Variants in BATF3 observed in about 807,000 individuals in gnomAD.
BATF3 encodes basic leucine zipper transcriptional factor ATF-like 3.
BATF3 carries 8 observed loss-of-function variants against 16.1 expected under a neutral mutation model. That is an observed-to-expected ratio of 0.50 (90% CI 0.29 to 0.90). BATF3 has a LOEUF of 0.90. BATF3 is among the 40% of genes least tolerant of loss of function. The pLI is 0.08. For synonymous variants in BATF3, 74 were observed against 72.7 expected (o/e 1.02, Z -0.09); for missense variants, 139 against 167.0 (o/e 0.83, Z 0.92).
chr1:212,699,531 T>C lies in BATF3; in HGVS notation c.90+142A>G. 1.8e-6 allele frequency: 1 copy of C among 541,854 alleles called. No homozygotes were observed. Among genetic ancestry groups the C allele is most frequent in the Non-Finnish European group, 2.8e-6 (1 of 363,080 alleles). 33.6% of individuals were successfully genotyped at this position (541,854 alleles called of 1,614,324 possible). ...CCATTCCCCAACATCCCTACGCCCCTACCTCTGCTTGTCTCCGGCCGCACC... is the reference window on the plus strand; with the variant it reads ...CCATTCCCCAACATCCCTACGCCCCCACCTCTGCTTGTCTCCGGCCGCACC... On this transcript the variant is annotated intron_variant, in intron 1 of 2. Coordinates refer to ENST00000243440, the MANE Select transcript of BATF3 (RefSeq NM_018664.3). The surrounding 1 kb of genome is among the most constrained non-coding windows in gnomAD (Gnocchi z 4.4).
Position 212,688,570 on chromosome 1 carries a change from T to C in BATF3, c.196-1591A>G, listed in dbSNP as rs1006911088. Among the ~76,000 whole-genome samples, 15 of 152,320 alleles carry C rather than the reference T, an allele frequency of 9.8e-5. 1 individual carries two copies. The highest frequency in any genetic ancestry group is 2.1e-4 in the South Asian group (1 of 4,828). ...TTGGACATCTTCCAGACCAGCAAAA[T>C]TGCAAAATCTTTTGGAATCTCAATT... is the stretch of plus-strand genomic sequence containing the variant. On this transcript the variant is annotated intron_variant, in intron 2 of 2. Coordinates refer to ENST00000243440, the MANE Select transcript of BATF3 (RefSeq NM_018664.3).
At chr1:212,695,761 G>GCTTT (rs1657112897) in intron 2 of BATF3, among the ~76,000 whole-genome samples, 1 of 152,162 alleles carries the variant, frequency 6.6e-6, no homozygotes, top group African/African-American at 2.4e-5. Flanking sequence ...ATCCTTGGAT[G>GCTTT]CTTTCAAGGC....
rs1462844463 is a variant in BATF3 at position 212,689,893 on chromosome 1, A to C, written c.196-2914T>G. ...CACACAGTCACACACACATCTGCAA[A>C]CACACTCTCATACCCAGCCACAGAC... On this transcript the variant is annotated intron_variant, in intron 2 of 2. Coordinates refer to ENST00000243440, the MANE Select transcript of BATF3 (RefSeq NM_018664.3). The surrounding 1 kb of genome is among the most constrained non-coding windows in gnomAD (Gnocchi z 4.6). Among the ~76,000 whole-genome samples the C allele has an allele frequency of 2.0e-5, 3 of 151,436 alleles. No individual in the cohort carries two copies. Among genetic ancestry groups the C allele is most frequent in the Non-Finnish European group, 1.5e-5 (1 of 67,860 alleles).
chr1:212,699,588 C>A lies in BATF3; in HGVS notation c.90+85G>T, dbSNP rs1657219688. On this transcript the variant is annotated intron_variant, in intron 1 of 2. Transcript: ENST00000243440. The surrounding 1 kb of genome is among the most constrained non-coding windows in gnomAD (Gnocchi z 4.4). ...CTCTGCACCTCCGCAGTCACCACCA[C>A]GGAACTCCAGCACCCACCTCCTCGC... is the stretch of plus-strand genomic sequence containing the variant. 8.8e-7 allele frequency: 1 copy of A among 1,132,258 alleles called. No homozygotes were observed. The highest frequency in any genetic ancestry group is 1.6e-5 in the African/African-American group (1 of 61,730). 70.1% of individuals were successfully genotyped at this position (1,132,258 alleles called of 1,614,324 possible).
rs1265967644 is a variant in BATF3 at position 212,699,100 on chromosome 1, CT to C, written c.90+572del. ...CCAGACGGCCGTCCCTGTGGCCAAC[CT>C]GGTCTCCTTCCTGACTGCGCCGCTG... On this transcript the variant is annotated intron_variant, in intron 1 of 2. Transcript: ENST00000243440. The surrounding 1 kb of genome is among the most constrained non-coding windows in gnomAD (Gnocchi z 4.4). Among the ~76,000 whole-genome samples the C allele has an allele frequency of 6.6e-6, 1 of 152,230 alleles. No homozygotes were observed. Among genetic ancestry groups the C allele is most frequent in the Non-Finnish European group, 1.5e-5 (1 of 68,042 alleles).
At position 212,699,618 on chromosome 1, in the gene BATF3, C is replaced by T; in HGVS notation, c.90+55G>A. ...CTCCAGCACCCACCTCCTCGCCCCCCGCGGCGCGCCGGTCCCCGCACCCCA... is the reference window on the plus strand; with the variant it reads ...CTCCAGCACCCACCTCCTCGCCCCCTGCGGCGCGCCGGTCCCCGCACCCCA... On this transcript the variant is annotated intron_variant, in intron 1 of 2. Transcript: ENST00000243440. The surrounding 1 kb of genome is among the most constrained non-coding windows in gnomAD (Gnocchi z 4.4). 8.0e-7 allele frequency: 1 copy of T among 1,243,984 alleles called. No individual in the cohort carries two copies. Among genetic ancestry groups the T allele is most frequent in the South Asian group, 3.0e-5 (1 of 33,384 alleles). 77.1% of individuals were successfully genotyped at this position (1,243,984 alleles called of 1,614,324 possible). A position where few individuals can be genotyped will look rare whatever the true frequency, so the allele number is the denominator to read the frequency against.
chr1:212,695,207 C>T (rs1571835787), intron 2 of BATF3, among the ~76,000 whole-genome samples: 1 of 152,020 alleles, frequency 6.6e-6, no homozygotes, highest in East Asian at 1.9e-4. Flanking sequence ...TACAAAACTA[C>T]AAAAATGGCC....
At chr1:212,696,133 C>A in intron 2 of BATF3, among the ~76,000 whole-genome samples, 1 of 149,610 alleles carries the variant, frequency 6.7e-6, no homozygotes, top group Non-Finnish European at 1.5e-5. Flanking sequence ...TTAAGTCTTC[C>A]AGGGTGAGAA....
chr1:212,689,174 C>T lies in BATF3; in HGVS notation c.196-2195G>A, dbSNP rs1656934358. 1.3e-5 allele frequency among the ~76,000 whole-genome samples: 2 copies of T among 152,216 alleles called. No homozygotes were observed. The highest frequency in any genetic ancestry group is 4.1e-4 in the South Asian group (2 of 4,820). On this transcript the variant is annotated intron_variant, in intron 2 of 2. Transcript: ENST00000243440. The surrounding 1 kb of genome is among the most constrained non-coding windows in gnomAD (Gnocchi z 4.6). ...CCCCAAAGATCAGAAATGTAAAGGA[C>T]CTAGGAACTTCTGCTACTCCTCTCC...
intron 2 of BATF3, among the ~76,000 whole-genome samples, chr1:212,692,890 C>A (rs577809640): frequency 1.3e-5 from 2 of 152,350 alleles, no homozygotes; most frequent in African/African-American, 2.4e-5. Flanking sequence ...CCCTTTGATG[C>A]GCTACAGTCT....
chr1:212,697,278 A>C, intron 1 of BATF3: 1 of 499,612 alleles, frequency 2.0e-6, no homozygotes, highest in Non-Finnish European at 3.6e-6. Flanking sequence ...CCGCCGTTTA[A>C]AAGATGAGGA....
At chr1:212,690,321 C>T (rs1479608550) in intron 2 of BATF3, among the ~76,000 whole-genome samples, 1 of 152,192 alleles carries the variant, frequency 6.6e-6, no homozygotes, top group Non-Finnish European at 1.5e-5. Flanking sequence ...CTGAGGCTTC[C>T]CTGAGGTCCA....
chr1:212,691,916 C>T (rs942155475), intron 2 of BATF3, among the ~76,000 whole-genome samples: 2 of 152,198 alleles, frequency 1.3e-5, no homozygotes, highest in African/African-American at 2.4e-5. Context: ...GAATGCAGGT[C>T]GAAATCCCCA....
chr1:212,686,997 G>T lies in BATF3; in HGVS notation c.196-18C>A. ...TCATATTCCTGGGGGAGACAGAATG[G>T]GCAAAATCATTTCTGGTGCAGCGTT... On this transcript the variant is annotated intron_variant, in intron 2 of 2. Coordinates refer to ENST00000243440, the MANE Select transcript of BATF3 (RefSeq NM_018664.3). 6.7e-7 allele frequency: 1 copy of T among 1,496,374 alleles called. No individual in the cohort carries two copies. Among genetic ancestry groups the T allele is most frequent in the South Asian group, 1.1e-5 (1 of 88,818 alleles). The allele number at this position is 1,496,374 out of a possible 1,614,324, so 92.7% of individuals were successfully genotyped here.
chr1:212,688,156 C>A (rs1656905838), intron 2 of BATF3, among the ~76,000 whole-genome samples: 1 of 151,998 alleles, frequency 6.6e-6, no homozygotes, highest in African/African-American at 2.4e-5. Context: ...TTAATAGAAC[C>A]ACATCTAGTA....
At position 212,699,688 on chromosome 1, in the gene BATF3, C is replaced by T; in HGVS notation, c.75G>A (p.Pro25=). Residue 25 remains proline, a synonymous_variant, in exon 1 of 3, where the codon CCG becomes CCA. Coordinates refer to ENST00000243440, the MANE Select transcript of BATF3 (RefSeq NM_018664.3). This position sits in a 1 kb window ranked among gnomAD's most constrained non-coding sequence, Gnocchi z 4.4. Reference sequence around the variant, plus strand: ...CGCCCTCTACCTGCTGCTGCGGCTGCGGCTGCGGCTGGTTCCCGGGCGCCG... The same window carrying T: ...CGCCCTCTACCTGCTGCTGCGGCTGTGGCTGCGGCTGGTTCCCGGGCGCCG... ...SVAAPGNQPQ[P]QPQQQSPEDD... is the part of the protein sequence containing the mutation. The T allele has an allele frequency of 4.5e-6, 6 of 1,347,780 alleles. No homozygotes were observed. The highest frequency in any genetic ancestry group is 3.6e-5 in the South Asian group (2 of 54,932). The allele number at this position is 1,347,780 out of a possible 1,614,324, so 83.5% of individuals were successfully genotyped here. A position where few individuals can be genotyped will look rare whatever the true frequency, so the allele number is the denominator to read the frequency against.
At chr1:212,692,441 G>A (rs914872411) in intron 2 of BATF3, among the ~76,000 whole-genome samples, 1 of 152,102 alleles carries the variant, frequency 6.6e-6, no homozygotes, top group Non-Finnish European at 1.5e-5. Context: ...TAGAGTATGT[G>A]AGTGAGGTGA....
In BATF3 at chr1:212,696,967, G is replaced by A. The variant is rs1273314936; in HGVS notation, c.189C>T (p.Leu63=). 1.2e-6 allele frequency: 2 copies of A among 1,614,132 alleles called. No homozygotes were observed. The highest frequency in any genetic ancestry group is 1.7e-6 in the Non-Finnish European group (2 of 1,179,990). ...GCCCCTACCACGGTCTCACCTCATG[G>A]AGCTTGTCAGCCTTCTGGGTCTGCT... ...RKKQTQKADK[L]HEEYESLEQE... Residue 63 remains leucine, a synonymous_variant, in exon 2 of 3, where the codon CTC becomes CTT. Transcript: ENST00000243440.
intron 2 of BATF3, among the ~76,000 whole-genome samples, chr1:212,691,269 C>G (rs1242777630): frequency 6.6e-6 from 1 of 152,148 alleles, no homozygotes; most frequent in East Asian, 1.9e-4. Flanking sequence ...AACAGGAGGC[C>G]ATAGCCACAC....
Sources: allele counts gnomAD v4.1 joint callset (sites outside exome capture counted in the v4.1 genomes callset), GRCh38; gene constraint gnomAD v4.1.1; non-coding constraint Gnocchi (gnomAD v3.1); transcripts MANE v1.5; gene names NCBI Gene and HGNC (gene_info 2026-07-23, HGNC 2026-07-21).